SMIM19: variants seen among roughly 807,000 people sequenced by gnomAD.
SMIM19 encodes the protein UPF0697 protein C8orf40.
A neutral mutation model predicts 13.2 loss-of-function variants in SMIM19; 6 were observed. The observed-to-expected ratio is 0.45, with a 90% confidence interval of 0.25 to 0.90. The LOEUF (loss-of-function observed/expected upper bound fraction) is 0.90. SMIM19 is among the 40% of genes least tolerant of loss of function. The pLI is 0.19. For missense variants in SMIM19, 138 were observed against 131.0 expected (o/e 1.05, Z -0.26); for synonymous variants, 46 against 43.1 (o/e 1.07, Z -0.27).
rs1336822404 is a variant in SMIM19 at position 42,554,503 on chromosome 8, A to C, written c.*1895A>C. On this transcript the variant is annotated 3_prime_UTR_variant, in exon 4 of 4. Coordinates refer to ENST00000417410, the MANE Select transcript of SMIM19 (RefSeq NM_001135674.2). ...GTGTCCACTAGATAGAGATGGTCCT[A>C]ACTACAAACTAGTAGATTATTTGAT... is the stretch of plus-strand genomic sequence containing the variant. 6.6e-6 allele frequency: 1 copy of C among 152,262 alleles called. No individual in the cohort carries two copies. Among genetic ancestry groups the C allele is most frequent in the Non-Finnish European group, 1.5e-5 (1 of 68,046 alleles). 9.4% of individuals were successfully genotyped at this position (152,262 alleles called of 1,614,324 possible). A position where few individuals can be genotyped will look rare whatever the true frequency, so the allele number is the denominator to read the frequency against.
chr8:42,545,277 TCTAA>T (rs1354308482), intron 1 of SMIM19, among the ~76,000 whole-genome samples: 1 of 152,370 alleles, frequency 6.6e-6, no homozygotes, highest in African/African-American at 2.4e-5. Context: ...CTGTGACCAC[TCTAA>T]CTTTCTGTGG....
Position 42,552,568 on chromosome 8 carries a change from C to A in SMIM19, c.284C>A (p.Pro95Gln), listed in dbSNP as rs772407105. The change falls in exon 4 of 4, where the codon CCA becomes CAA. Residue 95 changes from proline to glutamine, a missense_variant. Transcript: ENST00000417410. ...GCAAGAAAGTACGACTATCAGCAGC[C>A]ACAAAACCAAGCTGACAGTGTGCAA... ...SISRKYDYQQ[P>Q]QNQADSVQLS... 8.7e-6 allele frequency: 14 copies of A among 1,613,750 alleles called. No individual in the cohort carries two copies. Among genetic ancestry groups the A allele is most frequent in the South Asian group, 7.7e-5 (7 of 91,046 alleles).
chr8:42,547,584 C>T lies in SMIM19; in HGVS notation c.134+978C>T, dbSNP rs77029821. Reference sequence around the variant, plus strand: ...TGTATTCAGCAGATCTCCCTTTAGCCAGTATAAGCTTTTCCTTGTTTTTTG... The same window carrying T: ...TGTATTCAGCAGATCTCCCTTTAGCTAGTATAAGCTTTTCCTTGTTTTTTG... On this transcript the variant is annotated intron_variant, in intron 2 of 3. Coordinates refer to ENST00000417410, the MANE Select transcript of SMIM19 (RefSeq NM_001135674.2). Among the ~76,000 whole-genome samples, 368 of 152,256 alleles carry T rather than the reference C, an allele frequency of 2.4e-3. 3 individuals are homozygous for T. In the East Asian group the frequency reaches 0.034, roughly 14 times the overall value.
intron 2 of SMIM19, 119 bp downstream of exon 2, chr8:42,546,725 C>G: frequency 8.0e-7 from 1 of 1,247,002 alleles, no homozygotes; most frequent in Non-Finnish European, 1.1e-6. Flanking sequence ...TGGCTCACAC[C>G]TGTAATCCCA....
rs928282507 is a variant in SMIM19, at chr8:42,543,219, G to A, written c.-5+846G>A. Among the ~76,000 whole-genome samples, 3 of 152,288 alleles carry A rather than the reference G, an allele frequency of 2.0e-5. No homozygotes were observed. In the East Asian group the frequency reaches 5.8e-4, roughly 29 times the overall value. On this transcript the variant is annotated intron_variant, in intron 1 of 3. Coordinates refer to ENST00000417410, the MANE Select transcript of SMIM19 (RefSeq NM_001135674.2). Reference sequence around the variant, plus strand: ...GTGGTATGCAGTAAGCACGCAGCAGGTGTATGTGTGTACACTTGGTTACAC... The same window carrying A: ...GTGGTATGCAGTAAGCACGCAGCAGATGTATGTGTGTACACTTGGTTACAC...
chr8:42,546,000 T>C (rs1273883510), intron 1 of SMIM19, among the ~76,000 whole-genome samples: 2 of 152,198 alleles, frequency 1.3e-5, no homozygotes, highest in African/African-American at 4.8e-5. Flanking sequence ...AAAATCAATA[T>C]TGTGTAGGTG....
chr8:42,549,628 TGAG>T (rs1430353063), intron 3 of SMIM19, among the ~76,000 whole-genome samples: 1 of 152,208 alleles, frequency 6.6e-6, no homozygotes, highest in East Asian at 1.9e-4. Flanking sequence ...TTGGGGATGA[TGAG>T]AAGAGCTCTG....
chr8:42,547,600 T>G (rs1030593729), intron 2 of SMIM19, among the ~76,000 whole-genome samples: 19 of 152,250 alleles, frequency 1.2e-4, no homozygotes, highest in African/African-American at 4.6e-4. Flanking sequence ...AAGCTTTTCC[T>G]TGTTTTTTGT....
chr8:42,546,842 G>C (rs942513188), intron 2 of SMIM19, among the ~76,000 whole-genome samples: 1 of 151,812 alleles, frequency 6.6e-6, no homozygotes, highest in Non-Finnish European at 1.5e-5. Context: ...AATTAGCTGG[G>C]CATGGTGGTG....
At chr8:42,545,341 T>G (rs888620121) in intron 1 of SMIM19, among the ~76,000 whole-genome samples, 5 of 152,240 alleles carry the variant, frequency 3.3e-5, no homozygotes, top group Admixed American at 2.6e-4. Context: ...GCTGTGTCAA[T>G]AGCAAAATGT....
At chr8:42,549,159 A>G (rs186228814) in intron 3 of SMIM19, among the ~76,000 whole-genome samples, 5 of 152,302 alleles carry the variant, frequency 3.3e-5, no homozygotes, top group African/African-American at 9.6e-5. Flanking sequence ...CACACCTACA[A>G]TCCCAGCACT....
chr8:42,542,533 G>C (rs1279768726), intron 1 of SMIM19, 160 bp downstream of exon 1: 2 of 936,802 alleles, frequency 2.1e-6, no homozygotes, highest in Non-Finnish European at 2.5e-6. Flanking sequence ...TTCTAAGTGA[G>C]AGACAAAAAT....
intron 2 of SMIM19, among the ~76,000 whole-genome samples, chr8:42,547,821 T>TA (rs1813538827): frequency 6.6e-6 from 1 of 152,080 alleles, no homozygotes; most frequent in Admixed American, 6.6e-5. Context: ...TTCCCAGAAG[T>TA]ACAGTAAAAA....
rs946571967 is a variant in SMIM19, at chr8:42,542,093, A to G, written c.-285A>G. On this transcript the variant is annotated 5_prime_UTR_variant, in exon 1 of 4. Transcript: ENST00000417410. ...GAGGATTACATTTTCTCCCTGCTCCACTTGACTTTCTTCCGGAAGGAGCAG... is the reference window on the plus strand; with the variant it reads ...GAGGATTACATTTTCTCCCTGCTCCGCTTGACTTTCTTCCGGAAGGAGCAG... The G allele has an allele frequency of 6.6e-6, 1 of 152,050 alleles. No individual in the cohort carries two copies. The highest frequency in any genetic ancestry group is 2.1e-4 in the South Asian group (1 of 4,822). The allele number at this position is 152,050 out of a possible 1,614,324, so 9.4% of individuals were successfully genotyped here. A position where few individuals can be genotyped will look rare whatever the true frequency, so the allele number is the denominator to read the frequency against.
At chr8:42,550,827 A>C (rs1428702328) in intron 3 of SMIM19, among the ~76,000 whole-genome samples, 2 of 152,142 alleles carry the variant, frequency 1.3e-5, no homozygotes, top group Non-Finnish European at 2.9e-5. Flanking sequence ...TTGCACATTT[A>C]ATGAATCCCA....
At chr8:42,550,373 T>C (rs1813633924) in intron 3 of SMIM19, among the ~76,000 whole-genome samples, 1 of 152,158 alleles carries the variant, frequency 6.6e-6, no homozygotes. Flanking sequence ...ACGAACATGT[T>C]GTCTCACGGT....
rs1813754670 is a variant in SMIM19 at position 42,554,144 on chromosome 8, A to G, written c.*1536A>G. The G allele has an allele frequency of 6.6e-6, 1 of 152,254 alleles. No individual in the cohort carries two copies. The highest frequency in any genetic ancestry group is 2.4e-5 in the African/African-American group (1 of 41,474). 9.4% of individuals were successfully genotyped at this position (152,254 alleles called of 1,614,324 possible). On this transcript the variant is annotated 3_prime_UTR_variant, in exon 4 of 4. Transcript: ENST00000417410. ...AAATGTGTTGTTCAAAAATGTATAT[A>G]TAGTACAAAGTGAATTGACCAAACA...
chr8:42,548,842 G>T (rs1180062635), intron 3 of SMIM19, 62 bp downstream of exon 3: 1 of 1,503,294 alleles, frequency 6.7e-7, no homozygotes, highest in African/African-American at 1.4e-5. Context: ...TTCTGGAATT[G>T]AGTTCATTTA....
At position 42,554,653 on chromosome 8, in the gene SMIM19, C is replaced by G. The variant is rs1230300436; in HGVS notation, c.*2045C>G. 1 of 152,220 alleles carries G rather than the reference C, an allele frequency of 6.6e-6. No homozygotes were observed. Among genetic ancestry groups the G allele is most frequent in the Non-Finnish European group, 1.5e-5 (1 of 68,038 alleles). The allele number at this position is 152,220 out of a possible 1,614,324, so 9.4% of individuals were successfully genotyped here. A position where few individuals can be genotyped will look rare whatever the true frequency, so the allele number is the denominator to read the frequency against. On this transcript the variant is annotated 3_prime_UTR_variant, in exon 4 of 4. Transcript: ENST00000417410. ...CAGCAAGCCGGCTTTGAAGTCTCTT[C>G]CCTGCTTCAACAGCTGAATTGGGGA...
Sources: allele counts gnomAD v4.1 joint callset (sites outside exome capture counted in the v4.1 genomes callset), GRCh38; gene constraint gnomAD v4.1.1; transcripts MANE v1.5; gene names NCBI Gene and HGNC (gene_info 2026-07-23, HGNC 2026-07-21).